The following RFX3 variants were observed in gnomAD, a reference collection of about 807,000 sequenced individuals.
The protein encoded by RFX3 is transcription factor RFX3.
RFX3 carries 14 observed loss-of-function variants against 98.6 expected under a neutral mutation model. That is an observed-to-expected ratio of 0.14 (90% CI 0.09 to 0.22). The LOEUF is 0.22. Ranked by LOEUF, RFX3 falls within the 10% of genes least tolerant of loss-of-function variation. The pLI is 1.00. For missense variants in RFX3, 639 were observed against 926.9 expected (o/e 0.69, Z 4.03); for synonymous variants, 383 against 328.4 (o/e 1.17, Z -1.80).
chr9:3,325,845 A>C (rs1024379723), intron 4 of RFX3, among the ~76,000 whole-genome samples: 18 of 152,172 alleles, frequency 1.2e-4, no homozygotes, highest in Admixed American at 2.6e-4. Context: ...ATAGAAAAAT[A>C]ATCATGAAAA....
chr9:3,328,629 T>A (rs1413201150), intron 4 of RFX3, among the ~76,000 whole-genome samples: 1 of 152,126 alleles, frequency 6.6e-6, no homozygotes, highest in Non-Finnish European at 1.5e-5. Flanking sequence ...TAGTCATCTG[T>A]TCTGATGTTA....
At chr9:3,417,396 A>C (rs1425018321) in intron 1 of RFX3, among the ~76,000 whole-genome samples, 2 of 152,112 alleles carry the variant, frequency 1.3e-5, no homozygotes, top group South Asian at 2.1e-4. Flanking sequence ...AGTACACACA[A>C]AACATTTAAG....
chr9:3,486,311 T>C (rs188683965), intron 1 of RFX3, among the ~76,000 whole-genome samples: 37 of 152,260 alleles, frequency 2.4e-4, no homozygotes, highest in African/African-American at 8.7e-4. Flanking sequence ...TCACCCTTTC[T>C]AAAAGCTTTC....
At chr9:3,400,232 T>C in intron 1 of RFX3, 1 of 982,354 alleles carries the variant, frequency 1.0e-6, no homozygotes, top group Non-Finnish European at 1.2e-6. Context: ...ACTGATGAAT[T>C]TTTAGAATGA....
Position 3,223,260 on chromosome 9 carries a change from T to A in RFX3, c.*1782A>T, listed in dbSNP as rs1817447234. ...TTCTTGTGTTTTAATCATTAAATAATTTGAGTGCTTAAAAGAACCTTGGCT... is the reference window on the plus strand; with the variant it reads ...TTCTTGTGTTTTAATCATTAAATAAATTGAGTGCTTAAAAGAACCTTGGCT... On this transcript the variant is annotated 3_prime_UTR_variant, in exon 17 of 17. Coordinates refer to ENST00000617270, the MANE Select transcript of RFX3 (RefSeq NM_001282116.2). 6.6e-6 allele frequency: 1 copy of A among 152,192 alleles called. No individual in the cohort carries two copies. Among genetic ancestry groups the A allele is most frequent in the Non-Finnish European group, 1.5e-5 (1 of 68,026 alleles). The allele number at this position is 152,192 out of a possible 1,614,324, so 9.4% of individuals were successfully genotyped here.
At chr9:3,464,362 T>C (rs1296158284) in intron 1 of RFX3, among the ~76,000 whole-genome samples, 4 of 152,196 alleles carry the variant, frequency 2.6e-5, no homozygotes, top group Non-Finnish European at 5.9e-5. Context: ...GTTTTATTCA[T>C]AATAGCTAAA....
chr9:3,245,945 G>A (rs537756923), intron 15 of RFX3, among the ~76,000 whole-genome samples: 1 of 152,244 alleles, frequency 6.6e-6, no homozygotes, highest in African/African-American at 2.4e-5. Context: ...AGGAGAACAT[G>A]AGAAAACAAA....
intron 5 of RFX3, among the ~76,000 whole-genome samples, chr9:3,295,432 G>C (rs1361337238): frequency 6.6e-6 from 1 of 151,938 alleles, no homozygotes; most frequent in Non-Finnish European, 1.5e-5. Context: ...AGCAAGGGTT[G>C]ACCACCTTCT....
intron 1 of RFX3, among the ~76,000 whole-genome samples, chr9:3,509,429 T>C (rs1420411558): frequency 3.3e-5 from 5 of 151,968 alleles, no homozygotes; most frequent in Non-Finnish European, 7.4e-5. Flanking sequence ...ATACCAGGAC[T>C]GAAAATTATT....
chr9:3,257,072 A>G lies in RFX3; in HGVS notation c.1733T>C (p.Met578Thr). 6.2e-7 allele frequency: 1 copy of G among 1,613,992 alleles called. No individual in the cohort carries two copies. The change falls in exon 14 of 17, where the codon ATG becomes ACG. Residue 578 changes from methionine to threonine, a missense_variant. By Grantham distance (81) the Met-to-Thr change is moderately conservative. This residue lies in a region of RFX3 where 138 missense variants were observed against 308.9 expected (regional missense o/e 0.45). Transcript: ENST00000617270. ...TCCTTCATAGGGTTTCAGTGCTTGCATCATCACATTGTCAAGCCACGCAGC... is the reference window on the plus strand; with the variant it reads ...TCCTTCATAGGGTTTCAGTGCTTGCGTCATCACATTGTCAAGCCACGCAGC... ...QWAAWLDNVM[M>T]QALKPYEGRP...
At chr9:3,265,653 T>A (rs1213121835) in intron 12 of RFX3, among the ~76,000 whole-genome samples, 3 of 152,204 alleles carry the variant, frequency 2.0e-5, no homozygotes, top group Non-Finnish European at 4.4e-5. Context: ...TATCTCTAGC[T>A]AAATAATCCA....
At position 3,293,276 on chromosome 9, in the gene RFX3, A is replaced by T. The variant is rs1218605476; in HGVS notation, c.550-18T>A. 2 of 1,564,066 alleles carry T rather than the reference A, an allele frequency of 1.3e-6. No individual in the cohort carries two copies. Among genetic ancestry groups the T allele is most frequent in the South Asian group, 2.4e-5 (2 of 82,702 alleles). Reference sequence around the variant, plus strand: ...CACTGGAGCTAGGGAAATAAGACACAATAAACACAGACAAATCACATAATT... The same window carrying T: ...CACTGGAGCTAGGGAAATAAGACACTATAAACACAGACAAATCACATAATT... On this transcript the variant is annotated intron_variant, in intron 5 of 16. Coordinates refer to ENST00000617270, the MANE Select transcript of RFX3 (RefSeq NM_001282116.2).
intron 2 of RFX3, among the ~76,000 whole-genome samples, chr9:3,384,243 T>A (rs182471715): frequency 6.6e-6 from 1 of 152,232 alleles, no homozygotes; most frequent in Admixed American, 6.5e-5. Context: ...ATTCCTCCAA[T>A]ACATATTGAG....
chr9:3,401,530 T>A (rs888773435), intron 1 of RFX3, among the ~76,000 whole-genome samples: 1 of 152,230 alleles, frequency 6.6e-6, no homozygotes, highest in African/African-American at 2.4e-5. Flanking sequence ...TTCTTTCAAG[T>A]GATATTTGTT....
intron 15 of RFX3, among the ~76,000 whole-genome samples, chr9:3,238,103 C>T (rs913563788): frequency 2.0e-5 from 3 of 152,168 alleles, no homozygotes; most frequent in Non-Finnish European, 4.4e-5. Context: ...GGACCTAGAA[C>T]AGTGCTTCTA....
chr9:3,282,048 A>G (rs1005683798), intron 7 of RFX3, among the ~76,000 whole-genome samples: 1 of 151,846 alleles, frequency 6.6e-6, no homozygotes, highest in Non-Finnish European at 1.5e-5. Context: ...GAAATTACAC[A>G]ATCATTTTAT....
At chr9:3,273,755 C>T (rs886618806) in intron 9 of RFX3, among the ~76,000 whole-genome samples, 11 of 151,190 alleles carry the variant, frequency 7.3e-5, no homozygotes, top group Non-Finnish European at 7.4e-5. Context: ...ATTCCAGCTA[C>T]TGGGGAGGCT....
At chr9:3,398,217 A>G (rs1185494717) in intron 1 of RFX3, among the ~76,000 whole-genome samples, 2 of 152,186 alleles carry the variant, frequency 1.3e-5, no homozygotes, top group Admixed American at 6.5e-5. Context: ...TTTTTACTAC[A>G]CAAAATTCTT....
intron 1 of RFX3, among the ~76,000 whole-genome samples, chr9:3,421,589 G>T (rs1424273133): frequency 1.3e-5 from 2 of 152,126 alleles, no homozygotes; most frequent in Non-Finnish European, 2.9e-5. Context: ...TCTCAGCATT[G>T]CAAGTCCTTG....
Sources: allele counts gnomAD v4.1 joint callset (sites outside exome capture counted in the v4.1 genomes callset), GRCh38; gene constraint gnomAD v4.1.1; regional missense constraint gnomAD v4.1.1; transcripts MANE v1.5; gene names NCBI Gene and HGNC (gene_info 2026-07-23, HGNC 2026-07-21).